Variants in LYPD6B observed in about 807,000 individuals in gnomAD.
LYPD6B encodes ly6/PLAUR domain-containing protein 6B.
In LYPD6B, 17 loss-of-function variants were observed where a neutral mutation model predicts 22.8. The observed-to-expected ratio is 0.75, with a 90% CI of 0.51 to 1.12. The LOEUF (loss-of-function observed/expected upper bound fraction) is 1.12. Among genes scored for constraint, LYPD6B ranks in the 50% most tolerant of loss-of-function variants. The pLI is 0.00. For missense variants in LYPD6B, 221 were observed against 258.3 expected, an observed-to-expected ratio of 0.86 and a Z score of 0.99; for synonymous variants, 106 against 91.6, an observed-to-expected ratio of 1.16 and a Z score of -0.90.
At chr2:149,149,646 G>A (rs1689243963) in intron 2 of LYPD6B, among the ~76,000 whole-genome samples, 1 of 152,130 alleles carries the variant, frequency 6.6e-6, no homozygotes, top group South Asian at 2.1e-4. Flanking sequence ...GCACCATAAC[G>A]TGTGTTCCTT....
At chr2:149,095,869 A>G (rs1199338458) in intron 1 of LYPD6B, among the ~76,000 whole-genome samples, 1 of 151,954 alleles carries the variant, frequency 6.6e-6, no homozygotes. Flanking sequence ...GACCATAGGC[A>G]GACAGACAGA....
At chr2:149,053,046 T>A (rs1683635881) in intron 1 of LYPD6B, among the ~76,000 whole-genome samples, 2 of 152,218 alleles carry the variant, frequency 1.3e-5, no homozygotes, top group Non-Finnish European at 2.9e-5. Context: ...TTGAATTTTT[T>A]AATTTTGATG....
At chr2:149,068,174 G>C (rs2105346264) in intron 1 of LYPD6B, among the ~76,000 whole-genome samples, 1 of 152,294 alleles carries the variant, frequency 6.6e-6, no homozygotes, top group South Asian at 2.1e-4. Context: ...GTTTGAGGTA[G>C]GGCAGGAGAA....
chr2:149,160,636 G>A, intron 2 of LYPD6B, 128 bp from the exon 3 acceptor site: 2 of 706,276 alleles, frequency 2.8e-6, no homozygotes, highest in South Asian at 1.5e-5. Flanking sequence ...TGACTGTATT[G>A]CTGTTCTATT....
intron 1 of LYPD6B, among the ~76,000 whole-genome samples, chr2:149,114,535 A>C (rs1340331244): frequency 1.3e-5 from 2 of 152,214 alleles, no homozygotes; most frequent in Non-Finnish European, 2.9e-5. Context: ...TCCAAATTAA[A>C]ACTGTTGGAA....
intron 2 of LYPD6B, among the ~76,000 whole-genome samples, chr2:149,153,197 G>A (rs1180233168): frequency 6.6e-6 from 1 of 152,146 alleles, no homozygotes; most frequent in Non-Finnish European, 1.5e-5. Flanking sequence ...TTGAATTAAT[G>A]AATAAATCCC....
chr2:149,106,517 T>C (rs1686479277), intron 1 of LYPD6B, among the ~76,000 whole-genome samples: 1 of 152,180 alleles, frequency 6.6e-6, no homozygotes, highest in East Asian at 1.9e-4. Context: ...ATTGTACCTT[T>C]TAAGTATTTT....
intron 3 of LYPD6B, among the ~76,000 whole-genome samples, chr2:149,193,588 G>C (rs1692629623): frequency 6.6e-6 from 1 of 152,096 alleles, no homozygotes; most frequent in Admixed American, 6.6e-5. Context: ...GCAGGAAAGG[G>C]CTTCCCTGGA....
chr2:149,095,557 A>G (rs1387751542), intron 1 of LYPD6B, among the ~76,000 whole-genome samples: 1 of 152,186 alleles, frequency 6.6e-6, no homozygotes, highest in East Asian at 1.9e-4. Flanking sequence ...CTAGTTAATT[A>G]TTGCTTTATG....
chr2:149,097,116 C>T (rs1437856109), intron 1 of LYPD6B, among the ~76,000 whole-genome samples: 1 of 152,216 alleles, frequency 6.6e-6, no homozygotes, highest in Non-Finnish European at 1.5e-5. Context: ...GAAGTGGATC[C>T]TGAAAGACCT....
intron 1 of LYPD6B, among the ~76,000 whole-genome samples, chr2:149,114,047 A>G (rs1024065697): frequency 5.9e-5 from 9 of 152,164 alleles, no homozygotes; most frequent in Non-Finnish European, 1.3e-4. Flanking sequence ...TGAAAGCTCA[A>G]TAAAGCAAAG....
intron 1 of LYPD6B, among the ~76,000 whole-genome samples, chr2:149,056,357 T>C (rs1311263361): frequency 6.6e-6 from 1 of 151,940 alleles, no homozygotes; most frequent in African/African-American, 2.4e-5. Flanking sequence ...GATTAGGAAG[T>C]TTCATATTCT....
chr2:149,115,968 G>A (rs1686985394), intron 1 of LYPD6B, among the ~76,000 whole-genome samples: 1 of 152,186 alleles, frequency 6.6e-6, no homozygotes, highest in Non-Finnish European at 1.5e-5. Context: ...CTGCCTGTAG[G>A]CATCTTGGTT....
At chr2:149,058,325 G>C (rs954282083) in intron 1 of LYPD6B, among the ~76,000 whole-genome samples, 2 of 152,170 alleles carry the variant, frequency 1.3e-5, no homozygotes, top group Non-Finnish European at 2.9e-5. Context: ...GCTTTTGTAA[G>C]CTTTTGTTTG....
At chr2:149,210,903 G>A (rs1305733996) in intron 5 of LYPD6B, among the ~76,000 whole-genome samples, 1 of 152,124 alleles carries the variant, frequency 6.6e-6, no homozygotes, top group Non-Finnish European at 1.5e-5. Flanking sequence ...TTCTTGCATT[G>A]CTATAAAGAA....
intron 1 of LYPD6B, among the ~76,000 whole-genome samples, chr2:149,054,591 G>C (rs72867515): frequency 0.3 from 45,333 of 151,798 alleles, 7,743 homozygotes; most frequent in Non-Finnish European, 0.38. Context: ...AAACACGAAA[G>C]GTTTTAATTT....
intron 1 of LYPD6B, among the ~76,000 whole-genome samples, chr2:149,051,696 CA>C (rs1683569352): frequency 6.6e-6 from 1 of 152,152 alleles, no homozygotes; most frequent in South Asian, 2.1e-4. Context: ...GATGGAGTCT[CA>C]CTCTGTTGCC....
rs780945267 is a variant in LYPD6B at position 149,205,265 on chromosome 2, G to A, written c.90G>A (p.Ser30=). 24 of 1,612,294 alleles carry A rather than the reference G, an allele frequency of 1.5e-5. No individual in the cohort carries two copies. The East Asian group carries it at 2.9e-4, about 19-fold the overall frequency. ...CTTTTCACCATAGATATAAGAGTTCGGACCGCCCAGCACACAAGGTCAGCA... is the reference window on the plus strand; with the variant it reads ...CTTTTCACCATAGATATAAGAGTTCAGACCGCCCAGCACACAAGGTCAGCA... ...TTFSFSRYKS[S]DRPAHKVSML... The change falls in exon 4 of 7, where the codon TCG becomes TCA. Residue 30 remains serine, a synonymous_variant. Coordinates refer to ENST00000409642, the MANE Select transcript of LYPD6B (RefSeq NM_177964.5).
chr2:149,110,071 G>A (rs1425268296), intron 1 of LYPD6B, among the ~76,000 whole-genome samples: 2 of 152,052 alleles, frequency 1.3e-5, no homozygotes, highest in Non-Finnish European at 2.9e-5. Context: ...TGGTTTCTAT[G>A]ACTATATTGT....
Sources: allele counts gnomAD v4.1 joint callset (sites outside exome capture counted in the v4.1 genomes callset), GRCh38; gene constraint gnomAD v4.1.1; transcripts MANE v1.5; gene names NCBI Gene and HGNC (gene_info 2026-07-23, HGNC 2026-07-21).